Variants in TMPRSS4 observed in about 807,000 individuals in gnomAD.
TMPRSS4 encodes transmembrane serine protease 4, also known as transmembrane protease serine 4.
Under a neutral mutation model 56.4 loss-of-function variants are expected in TMPRSS4, and 45 were observed. The observed-to-expected ratio is 0.80, with a 90% CI of 0.63 to 1.02. TMPRSS4 has a LOEUF of 1.02. Ranked by LOEUF, TMPRSS4 falls within the 50% of genes least tolerant of loss-of-function variation. The pLI, the probability that TMPRSS4 is intolerant of heterozygous loss-of-function variation, is 0.00. For missense variants in TMPRSS4, 546 were observed against 556.7 expected (o/e 0.98, Z 0.19); for synonymous variants, 205 against 211.0 (o/e 0.97, Z 0.25).
chr11:118,115,267 T>G lies in TMPRSS4; in HGVS notation c.1139T>G (p.Val380Gly), dbSNP rs1028653996. 10 of 1,610,924 alleles carry G rather than the reference T, an allele frequency of 6.2e-6. No homozygotes were observed. The highest frequency in any genetic ancestry group is 1.1e-5 in the South Asian group (1 of 90,224). Reference protein sequence around the residue: ...MMCAGIPEGGVDTCQGDSGGP... With the variant: ...MMCAGIPEGGGDTCQGDSGGP... The stretch of plus-strand genomic sequence containing the variant: ...TGTGCAGGCATCCCGGAAGGGGGTG[T>G]GGACACCTGCCAGGTGGGGCCTCCA... The change falls in exon 11 of 13, where the codon GTG becomes GGG. Residue 380 changes from valine to glycine, a missense_variant. Val to Gly is a moderately radical substitution (Grantham distance 109, BLOSUM62 -3). Coordinates refer to ENST00000437212, the MANE Select transcript of TMPRSS4 (RefSeq NM_019894.4).
At chr11:118,087,074 C>T (rs181891204) in intron 1 of TMPRSS4, among the ~76,000 whole-genome samples, 1 of 152,140 alleles carries the variant, frequency 6.6e-6, no homozygotes. Context: ...CCTCAAAGGA[C>T]CTGTTTATCC....
Position 118,103,376 on chromosome 11 carries a change from C to CTTTTTTTGTTTG in TMPRSS4, c.310+126_310+127insTTTTGTTTGTTT. 8 of 983,912 alleles carry CTTTTTTTGTTTG rather than the reference C, an allele frequency of 8.1e-6. No homozygotes were observed. The South Asian group carries it at 1.5e-4, about 19-fold the overall frequency. The allele number at this position is 983,912 out of a possible 1,614,324, so 60.9% of individuals were successfully genotyped here. ...CTTTTCATCCTTGTTGTATAAGGTTCTTTGTTTGTTTGTTTGTTGTTGTTT... is the reference window on the plus strand; with the variant it reads ...CTTTTCATCCTTGTTGTATAAGGTTCTTTTTTTGTTTGTTTGTTTGTTTGTTTGTTGTTGTTT... On this transcript the variant is annotated intron_variant, in intron 4 of 12. Transcript: ENST00000437212.
chr11:118,095,092 T>C, intron 2 of TMPRSS4: 1 of 564,100 alleles, frequency 1.8e-6, no homozygotes. Context: ...CCCAAAGCAA[T>C]GATTCTCCAA....
chr11:118,107,646 C>T (rs1947059629), intron 5 of TMPRSS4, 128 bp from the exon 6 acceptor site: 9 of 708,090 alleles, frequency 1.3e-5, no homozygotes, highest in Admixed American at 4.8e-5. Context: ...AGACCATCTC[C>T]ACTCCCTGGC....
Position 118,111,738 on chromosome 11 carries a change from C to T in TMPRSS4, c.584-3C>T. 7 of 1,568,608 alleles carry T rather than the reference C, an allele frequency of 4.5e-6. No individual in the cohort carries two copies. Among genetic ancestry groups the T allele is most frequent in the Non-Finnish European group, 5.2e-6 (6 of 1,161,070 alleles). ...CCTCCTCCCTGCCTCTGCCTGTGTC[C>T]AGCCTGTGGGAAGAGCCTGAAGACC... is the stretch of plus-strand genomic sequence containing the variant. On this transcript the variant is annotated splice_region_variant and splice_polypyrimidine_tract_variant and intron_variant, in intron 7 of 12. Coordinates refer to ENST00000437212, the MANE Select transcript of TMPRSS4 (RefSeq NM_019894.4).
At chr11:118,093,826 C>CG (rs1555083611) in intron 1 of TMPRSS4, among the ~76,000 whole-genome samples, 1 of 151,104 alleles carries the variant, frequency 6.6e-6, no homozygotes, top group Non-Finnish European at 1.5e-5. Context: ...CTGCCCCCCC[C>CG]AATGGTAACC....
chr11:118,114,919 A>C lies in TMPRSS4; in HGVS notation c.1001A>C (p.Gln334Pro), dbSNP rs1267999749. Residue 334 changes from glutamine (Q) to proline (P), a missense_variant, in exon 10 of 13, where the codon CAG becomes CCG. Transcript: ENST00000437212. ...LWIIGWGFTK[Q>P]NGGKMSDILL... Reference sequence around the variant, plus strand: ...ATCATTGGATGGGGCTTTACGAAGCAGAATGGAGGTAAGTCCTGGGTGCAG... The same window carrying C: ...ATCATTGGATGGGGCTTTACGAAGCCGAATGGAGGTAAGTCCTGGGTGCAG... 1.0e-5 allele frequency: 16 copies of C among 1,601,556 alleles called. No homozygotes were observed. Among genetic ancestry groups the C allele is most frequent in the Non-Finnish European group, 1.2e-5 (14 of 1,173,714 alleles).
intron 6 of TMPRSS4, chr11:118,108,168 G>C: frequency 7.0e-6 from 2 of 285,938 alleles, no homozygotes; most frequent in South Asian, 1.7e-4. Context: ...ATAGTAAATA[G>C]TTTTTGCTAC....
rs780942806 is a variant in TMPRSS4 at position 118,108,841 on chromosome 11, G to C, written c.543-15G>C. On this transcript the variant is annotated splice_polypyrimidine_tract_variant and intron_variant, in intron 6 of 12. Coordinates refer to ENST00000437212, the MANE Select transcript of TMPRSS4 (RefSeq NM_019894.4). ...GAAGAAGCTTAAATCACAGGGCGCT[G>C]TGTCTGTCTTCCAGGCCCTGTCTCT... The C allele has an allele frequency of 6.2e-7, 1 of 1,613,916 alleles. No individual in the cohort carries two copies. Among genetic ancestry groups the C allele is most frequent in the Non-Finnish European group, 8.5e-7 (1 of 1,179,938 alleles).
At chr11:118,098,512 G>A (rs1946536314) in intron 2 of TMPRSS4, among the ~76,000 whole-genome samples, 1 of 152,210 alleles carries the variant, frequency 6.6e-6, no homozygotes, top group Non-Finnish European at 1.5e-5. Context: ...TGATTCACAA[G>A]TATTTATTAA....
intron 11 of TMPRSS4, among the ~76,000 whole-genome samples, chr11:118,117,067 G>A (rs968809398): frequency 1.3e-5 from 2 of 152,140 alleles, no homozygotes; most frequent in African/African-American, 4.8e-5. Context: ...AATGTGAGTT[G>A]TGAATCTCTG....
chr11:118,117,518 C>G, intron 12 of TMPRSS4, 64 bp downstream of exon 12: 2 of 1,549,728 alleles, frequency 1.3e-6, no homozygotes. Context: ...GGGTGCCAAT[C>G]CATCCTCAGG....
chr11:118,124,921 G>A (rs780819818), downstream of TMPRSS4, among the ~76,000 whole-genome samples: 28 of 152,304 alleles, frequency 1.8e-4, no homozygotes, highest in Middle Eastern at 3.4e-3. Context: ...CCGCCTCTAG[G>A]CTTTAGTCAC....
In TMPRSS4 at chr11:118,080,368, G is replaced by T. The variant is rs565013159; in HGVS notation, c.3+3063G>T. 2.6e-5 allele frequency among the ~76,000 whole-genome samples: 4 copies of T among 152,284 alleles called. No homozygotes were observed. In the East Asian group the frequency reaches 7.7e-4, roughly 29 times the overall value. On this transcript the variant is annotated intron_variant, in intron 1 of 12. Coordinates refer to ENST00000437212, the MANE Select transcript of TMPRSS4 (RefSeq NM_019894.4). ...GGTAGTATAGGGACAACAGGCTCTC[G>T]CTGTGGCTGGAGCAAAGACTCCGGC...
Position 118,118,663 on chromosome 11 carries a change from C to G in TMPRSS4, c.*750C>G. On this transcript the variant is annotated 3_prime_UTR_variant, in exon 13 of 13. Coordinates refer to ENST00000437212, the MANE Select transcript of TMPRSS4 (RefSeq NM_019894.4). ...CCAGGGTGAGCAAGTTTGAGTCCCA[C>G]ACAGGGCCTTCTCCCTTTGCCTCTT... 1 of 985,794 alleles carries G rather than the reference C, an allele frequency of 1.0e-6. No individual in the cohort carries two copies. The highest frequency in any genetic ancestry group is 1.2e-6 in the Non-Finnish European group (1 of 830,264). The allele number at this position is 985,794 out of a possible 1,614,324, so 61.1% of individuals were successfully genotyped here.
chr11:118,105,435 A>G (rs1445400351), intron 5 of TMPRSS4: 1 of 151,818 alleles, frequency 6.6e-6, no homozygotes, highest in African/African-American at 2.4e-5. Flanking sequence ...TTATATATAG[A>G]TATATATTAT....
chr11:118,096,407 C>T (rs1317016634), intron 2 of TMPRSS4, among the ~76,000 whole-genome samples: 1 of 152,182 alleles, frequency 6.6e-6, no homozygotes, highest in Non-Finnish European at 1.5e-5. Context: ...TGCCATTCTC[C>T]ACTTTGGAAG....
rs1456043291 is a variant in TMPRSS4, at chr11:118,118,536, C to T, written c.*623C>T. On this transcript the variant is annotated 3_prime_UTR_variant, in exon 13 of 13. Coordinates refer to ENST00000437212, the MANE Select transcript of TMPRSS4 (RefSeq NM_019894.4). ...TCTTTGGCTTGGGGAGAAAAGAAGT[C>T]CTGGGGAAGCAATTGAGTCTCAAAG... 1 of 985,446 alleles carries T rather than the reference C, an allele frequency of 1.0e-6. No homozygotes were observed. The highest frequency in any genetic ancestry group is 5.2e-4 in the Middle Eastern group (1 of 1,916). The allele number at this position is 985,446 out of a possible 1,614,324, so 61.0% of individuals were successfully genotyped here.
At chr11:118,108,584 G>T in intron 6 of TMPRSS4, 4 of 479,900 alleles carry the variant, frequency 8.3e-6, no homozygotes, top group South Asian at 3.4e-5. Flanking sequence ...TTCCCTCTTG[G>T]GTCCCAGGAG....
Sources: allele counts gnomAD v4.1 joint callset (sites outside exome capture counted in the v4.1 genomes callset), GRCh38; gene constraint gnomAD v4.1.1; transcripts MANE v1.5; gene names NCBI Gene and HGNC (gene_info 2026-07-23, HGNC 2026-07-21).